CADM2: variants seen among roughly 807,000 people sequenced by gnomAD.
The protein encoded by CADM2 is cell adhesion molecule 2.
CADM2 carries 12 observed loss-of-function variants against 49.8 expected under a neutral mutation model. The observed-to-expected ratio is 0.24, with a 90% CI of 0.15 to 0.39. The LOEUF is 0.39. CADM2 is among the 10% of genes least tolerant of loss of function. CADM2 has a pLI of 1.00. For synonymous variants in CADM2, 214 were observed against 175.4 expected, an observed-to-expected ratio of 1.22 and a Z score of -1.74; for missense variants, 378 against 492.3, an observed-to-expected ratio of 0.77 and a Z score of 2.20.
At chr3:86,043,419 A>G (rs565277659) in intron 8 of CADM2, among the ~76,000 whole-genome samples, 2 of 152,366 alleles carry the variant, frequency 1.3e-5, no homozygotes, top group East Asian at 3.9e-4. Flanking sequence ...AATCACAAGC[A>G]TTCTTATACA....
In CADM2 at chr3:85,586,057, G is replaced by GGGGAGCCA. The variant is rs1448274221; in HGVS notation, c.62-140465_62-140464insGGGAGCCA. ...GTTCTACAATTCAGTGTGTGATTTT[G>GGGGAGCCA]TTTAAAGGGGAGCCATCACTCATTA... On this transcript the variant is annotated intron_variant, in intron 1 of 9. Coordinates refer to ENST00000383699, the MANE Select transcript of CADM2 (RefSeq NM_001167675.2). Among the ~76,000 whole-genome samples, 94 of 151,962 alleles carry GGGGAGCCA rather than the reference G, an allele frequency of 6.2e-4. 1 individual carries two copies. Among genetic ancestry groups the GGGGAGCCA allele is most frequent in the Non-Finnish European group, 1.2e-3 (84 of 67,974 alleles).
At chr3:85,267,942 T>A (rs975568712) in intron 1 of CADM2, among the ~76,000 whole-genome samples, 3 of 151,728 alleles carry the variant, frequency 2.0e-5, no homozygotes, top group Non-Finnish European at 4.4e-5. Context: ...TGAAAGGGTA[T>A]GTAAAACTCC....
At chr3:85,557,299 A>G (rs2061983341) in intron 1 of CADM2, among the ~76,000 whole-genome samples, 2 of 152,010 alleles carry the variant, frequency 1.3e-5, no homozygotes, top group African/African-American at 2.4e-5. Flanking sequence ...GGAATATTAC[A>G]TCTGCTACTT....
chr3:86,062,657 GC>G (rs1738812275), intron 8 of CADM2, among the ~76,000 whole-genome samples: 2 of 140,566 alleles, frequency 1.4e-5, no homozygotes, highest in African/African-American at 2.8e-5. Flanking sequence ...AGCTATGGTA[GC>G]GGGGCACCTG....
intron 3 of CADM2, among the ~76,000 whole-genome samples, chr3:85,806,202 G>A (rs2072407860): frequency 6.6e-6 from 1 of 150,502 alleles, no homozygotes; most frequent in Admixed American, 6.6e-5. Flanking sequence ...AAGGAAGGAA[G>A]GAAAGAAGGA....
intron 1 of CADM2, among the ~76,000 whole-genome samples, chr3:85,158,275 C>A: frequency 6.6e-6 from 1 of 152,290 alleles, no homozygotes; most frequent in South Asian, 2.1e-4. Flanking sequence ...TTGTGGAAGA[C>A]AGTGTGGCAA....
At chr3:85,351,372 A>T (rs2031328184) in intron 1 of CADM2, among the ~76,000 whole-genome samples, 1 of 152,188 alleles carries the variant, frequency 6.6e-6, no homozygotes. Context: ...ATCACATCAA[A>T]ATAGGCATAA....
At chr3:85,879,825 T>C (rs1194169685) in intron 3 of CADM2, among the ~76,000 whole-genome samples, 3 of 152,200 alleles carry the variant, frequency 2.0e-5, no homozygotes, top group Admixed American at 2.0e-4. Flanking sequence ...TCATCAGTTT[T>C]ACATGTATTT....
intron 2 of CADM2, among the ~76,000 whole-genome samples, chr3:85,795,288 G>T (rs986856015): frequency 1.3e-5 from 2 of 152,172 alleles, no homozygotes; most frequent in African/African-American, 4.8e-5. Context: ...GCTAACTCAT[G>T]CTCTCTTCAG....
chr3:85,630,315 C>CTTGTTTA (rs2064268756), intron 1 of CADM2, among the ~76,000 whole-genome samples: 1 of 151,892 alleles, frequency 6.6e-6, no homozygotes, highest in Non-Finnish European at 1.5e-5. Context: ...AATCTTTAAT[C>CTTGTTTA]ATGTATCTTG....
At chr3:85,304,947 A>G (rs1483626518) in intron 1 of CADM2, among the ~76,000 whole-genome samples, 1 of 151,724 alleles carries the variant, frequency 6.6e-6, no homozygotes, top group African/African-American at 2.4e-5. Context: ...TTTGTCAATG[A>G]AGATATTAAT....
intron 1 of CADM2, among the ~76,000 whole-genome samples, chr3:85,049,323 T>C (rs938119152): frequency 1.2e-4 from 14 of 117,144 alleles, no homozygotes; most frequent in Non-Finnish European, 2.3e-4. Flanking sequence ...TTGTTGCAGG[T>C]TTAGTTTATT....
chr3:85,043,709 A>G (rs1232143691), intron 1 of CADM2, among the ~76,000 whole-genome samples: 1 of 151,912 alleles, frequency 6.6e-6, no homozygotes, highest in Admixed American at 6.6e-5. Context: ...AGGTCTGACA[A>G]CTTCAGGCAC....
At chr3:85,979,287 C>T in intron 8 of CADM2, 13 of 1,609,384 alleles carry the variant, frequency 8.1e-6, no homozygotes, top group Non-Finnish European at 1.1e-5. Context: ...ATCAGAGGTA[C>T]AGTATGTTTC....
intron 7 of CADM2, among the ~76,000 whole-genome samples, chr3:85,955,454 G>GT (rs1723936476): frequency 6.6e-6 from 1 of 151,322 alleles, no homozygotes; most frequent in Non-Finnish European, 1.5e-5. Flanking sequence ...TGAACTTCTT[G>GT]TTTTTTATTC....
intron 1 of CADM2, among the ~76,000 whole-genome samples, chr3:85,051,547 T>C (rs12630512): frequency 0.088 from 13,424 of 152,164 alleles, 1,120 homozygotes; most frequent in Admixed American, 0.26. Context: ...GCTGTGTTAC[T>C]GATGATTTGG....
At chr3:85,234,432 A>G (rs1383920426) in intron 1 of CADM2, among the ~76,000 whole-genome samples, 2 of 152,116 alleles carry the variant, frequency 1.3e-5, no homozygotes, top group Non-Finnish European at 2.9e-5. Flanking sequence ...CAGCTGTAAA[A>G]AGGGAATAAC....
intron 1 of CADM2, among the ~76,000 whole-genome samples, chr3:85,614,831 T>C (rs564747032): frequency 1.4e-4 from 22 of 152,130 alleles, no homozygotes; most frequent in African/African-American, 5.1e-4. Flanking sequence ...CTTCACTTTT[T>C]GGTTGTTTGC....
chr3:85,307,953 A>C (rs990167808), intron 1 of CADM2, among the ~76,000 whole-genome samples: 2 of 151,446 alleles, frequency 1.3e-5, no homozygotes, highest in Non-Finnish European at 3.0e-5. Context: ...AAAAAAAAAA[A>C]AACACAATAA....
Sources: gnomAD v4.1 joint callset for allele counts (sites outside exome capture counted in the v4.1 genomes callset) on GRCh38, gnomAD v4.1.1 for gene constraint, MANE v1.5 for transcripts, NCBI Gene and HGNC (gene_info 2026-07-23, HGNC 2026-07-21) for gene names.